RAP1GAP: variants seen among roughly 807,000 people sequenced by gnomAD.
RAP1GAP encodes the protein RAP1 GTPase activating protein.
In RAP1GAP, 35 loss-of-function variants were observed where a neutral mutation model predicts 87.2. That is an observed-to-expected ratio of 0.40 (90% CI 0.31 to 0.53). The LOEUF (loss-of-function observed/expected upper bound fraction) is 0.53. Ranked by LOEUF, RAP1GAP falls within the 20% of genes least tolerant of loss-of-function variation. The probability of loss-of-function intolerance (pLI) is 0.48; values close to 1 mark genes in which losing one functional copy is unlikely to be tolerated. For synonymous variants in RAP1GAP, 375 were observed against 363.9 expected (o/e 1.03, Z -0.35); for missense variants, 734 against 898.9 (o/e 0.82, Z 2.35).
intron 1 of RAP1GAP, among the ~76,000 whole-genome samples, chr1:21,662,309 C>T (rs2097181411): frequency 6.6e-6 from 1 of 152,196 alleles, no homozygotes; most frequent in African/African-American, 2.4e-5. Context: ...TTGTGAATTG[C>T]TCCCATCAGG....
At chr1:21,660,926 TGTA>T (rs1001372148) in intron 1 of RAP1GAP, among the ~76,000 whole-genome samples, 23 of 151,802 alleles carry the variant, frequency 1.5e-4, no homozygotes, top group African/African-American at 4.8e-4. Flanking sequence ...AGGCTGCAAA[TGTA>T]GTTGGGCTGA....
At chr1:21,635,145 C>T (rs769612837) in intron 2 of RAP1GAP, among the ~76,000 whole-genome samples, 1 of 152,196 alleles carries the variant, frequency 6.6e-6, no homozygotes, top group Non-Finnish European at 1.5e-5. Context: ...CCCCTGCCCA[C>T]GTCCACGCAG....
rs1399741848 is a variant in RAP1GAP at position 21,611,718 on chromosome 1, C to A, written c.711G>T (p.Lys237Asn). 1 of 1,613,048 alleles carries A rather than the reference C, an allele frequency of 6.2e-7. No homozygotes were observed. Among genetic ancestry groups the A allele is most frequent in the Admixed American group, 1.7e-5 (1 of 60,030 alleles). Residue 237 changes from lysine (K) to asparagine (N), a missense_variant and splice_region_variant, in exon 12 of 25, where the codon AAG becomes AAT. Around this residue, in one of 2 missense-constraint regions of RAP1GAP, gnomAD observed 485 missense variants for 646.2 expected, o/e 0.75. Coordinates refer to ENST00000374765, the MANE Select transcript of RAP1GAP (RefSeq NM_002885.4). ...LGQKVKLQDF[K>N]GFRGGLDVTH... ...GCTCAGCCCACCCTAATACTCACCCCTTAAAGTCCTGCAGTTTGACCTTCT... is the reference window on the plus strand; with the variant it reads ...GCTCAGCCCACCCTAATACTCACCCATTAAAGTCCTGCAGTTTGACCTTCT...
At chr1:21,602,708 G>A (rs1223508906) in intron 19 of RAP1GAP, 96 bp downstream of exon 19, 1 of 1,076,238 alleles carries the variant, frequency 9.3e-7, no homozygotes. Context: ...AGAGGCAGAG[G>A]GGCGGGCACT....
chr1:21,643,126 A>AT (rs58320306), intron 2 of RAP1GAP, among the ~76,000 whole-genome samples: 115,879 of 151,794 alleles, frequency 0.76, 44,340 homozygotes, highest in Middle Eastern at 0.82. Context: ...TTCTCCACCA[A>AT]GTCCCCAACG....
At chr1:21,626,210 G>T in intron 3 of RAP1GAP, 94 bp downstream of exon 3, 1 of 1,157,688 alleles carries the variant, frequency 8.6e-7, no homozygotes. Flanking sequence ...TTTTACCTTT[G>T]CCCAAAAGTC....
chr1:21,657,242 G>T (rs542296953), intron 1 of RAP1GAP, among the ~76,000 whole-genome samples: 1 of 152,286 alleles, frequency 6.6e-6, no homozygotes, highest in East Asian at 1.9e-4. Context: ...CACATGCAAA[G>T]GTCAACTCCA....
At chr1:21,656,191 G>A (rs2096851042) in intron 1 of RAP1GAP, among the ~76,000 whole-genome samples, 1 of 152,140 alleles carries the variant, frequency 6.6e-6, no homozygotes, top group Admixed American at 6.5e-5. Flanking sequence ...CCAGCATTTT[G>A]GGAGGCTGAG....
chr1:21,654,996 C>T (rs146391153), intron 1 of RAP1GAP, among the ~76,000 whole-genome samples: 2,245 of 151,972 alleles, frequency 0.015, 63 homozygotes, highest in African/African-American at 0.051. Context: ...AAAAATCAGC[C>T]GGGCATGGTG....
chr1:21,658,758 T>A (rs1303026888), intron 1 of RAP1GAP, among the ~76,000 whole-genome samples: 1 of 151,864 alleles, frequency 6.6e-6, no homozygotes, highest in Non-Finnish European at 1.5e-5. Context: ...GGTATATTTT[T>A]AATAAATAGG....
At chr1:21,628,400 TAAAAAAAAAA>T (rs528098037) in intron 2 of RAP1GAP, among the ~76,000 whole-genome samples, 11 of 52,430 alleles carry the variant, frequency 2.1e-4, no homozygotes, top group African/African-American at 1.2e-3. Context: ...CCATCTCTAC[TAAAAAAAAAA>T]AAAAAAAAAA....
chr1:21,602,760 G>C (rs749666314), intron 19 of RAP1GAP, 44 bp downstream of exon 19: 2 of 1,525,542 alleles, frequency 1.3e-6, no homozygotes, highest in African/African-American at 2.7e-5. Flanking sequence ...GGGGCTCAGG[G>C]ATGGGGATGC....
chr1:21,618,599 T>C (rs2084009132), intron 5 of RAP1GAP, among the ~76,000 whole-genome samples: 1 of 151,750 alleles, frequency 6.6e-6, no homozygotes, highest in South Asian at 2.1e-4. Context: ...CAGCAGCTTA[T>C]GGAGCAGGAG....
Position 21,619,030 on chromosome 1 carries a change from GGGGCGGC to G in RAP1GAP, c.54_60del (p.Pro19SerfsTer59). ...AGACTGCCAGGCCCACCTACTTTGA[GGGGCGGC>G]GGGAAGGAGCAGCGTTGTTCATCCA... On this transcript the variant is annotated frameshift_variant, in exon 5 of 25. Transcript: ENST00000374765. LOFTEE classifies it high-confidence loss of function. The G allele has an allele frequency of 6.3e-7, 1 of 1,599,516 alleles. No individual in the cohort carries two copies. Among genetic ancestry groups the G allele is most frequent in the Non-Finnish European group, 8.5e-7 (1 of 1,172,208 alleles).
At chr1:21,604,317 G>C (rs1290874265) in intron 18 of RAP1GAP, among the ~76,000 whole-genome samples, 1 of 147,548 alleles carries the variant, frequency 6.8e-6, no homozygotes, top group East Asian at 2.0e-4. Context: ...GGTGAGAAGA[G>C]CGGAGAAGGG....
At chr1:21,608,122 A>G in intron 17 of RAP1GAP, 91 bp downstream of exon 17, 1 of 1,485,238 alleles carries the variant, frequency 6.7e-7, no homozygotes, top group Non-Finnish European at 9.0e-7. Flanking sequence ...CTCCACCCCC[A>G]CGCCGTGTCC....
chr1:21,598,380 A>C lies in RAP1GAP; in HGVS notation c.1879+20T>G. ...CCCAAGGTAGCCCTGCTTTGTGGGG[A>C]AGCTGCCTTGTCCTGGTACCTGGGG... On this transcript the variant is annotated intron_variant, in intron 22 of 24. Transcript: ENST00000374765. 5 of 1,589,850 alleles carry C rather than the reference A, an allele frequency of 3.1e-6. No homozygotes were observed. Among genetic ancestry groups the C allele is most frequent in the Non-Finnish European group, 2.6e-6 (3 of 1,158,076 alleles).
In RAP1GAP at chr1:21,634,909, T is replaced by C. The variant is rs1415575897; in HGVS notation, c.-112-8512A>G. 2 of 182,148 alleles carry C rather than the reference T, an allele frequency of 1.1e-5. No individual in the cohort carries two copies. Among genetic ancestry groups the C allele is most frequent in the South Asian group, 1.5e-4 (2 of 13,506 alleles). 11.3% of individuals were successfully genotyped at this position (182,148 alleles called of 1,614,324 possible). On this transcript the variant is annotated intron_variant, in intron 2 of 24. Coordinates refer to ENST00000374765, the MANE Select transcript of RAP1GAP (RefSeq NM_002885.4). This position sits in a 1 kb window ranked among gnomAD's most constrained non-coding sequence, Gnocchi z 4.1. The stretch of plus-strand genomic sequence containing the variant: ...GTAAGGAGGAGGAGTGACTCTGAGA[T>C]GACCCGGCCGCAGGGCCTCTTCCTG...
At chr1:21,657,143 C>T (rs140226479) in intron 1 of RAP1GAP, among the ~76,000 whole-genome samples, 45 of 152,348 alleles carry the variant, frequency 3.0e-4, no homozygotes, top group African/African-American at 1.0e-3. Context: ...TCATCTAACT[C>T]ATGCCTGTAG....
Sources: allele counts gnomAD v4.1 joint callset (sites outside exome capture counted in the v4.1 genomes callset), GRCh38; gene constraint gnomAD v4.1.1; regional missense constraint gnomAD v4.1.1; non-coding constraint Gnocchi (gnomAD v3.1); transcripts MANE v1.5; gene names NCBI Gene and HGNC (gene_info 2026-07-23, HGNC 2026-07-21).